ATG7: variants seen among roughly 807,000 people sequenced by gnomAD.
The protein encoded by ATG7 is ubiquitin-like modifier-activating enzyme ATG7.
ATG7 carries 70 observed loss-of-function variants against 82.4 expected under a neutral mutation model. The ratio of observed to expected loss-of-function variants is 0.85; its 90% confidence interval spans 0.70 to 1.04. The LOEUF is 1.04. Ranked by LOEUF, ATG7 falls within the 50% of genes least tolerant of loss-of-function variation. ATG7 has a pLI of 0.00. For missense variants in ATG7, 792 were observed against 864.3 expected, an observed-to-expected ratio of 0.92 and a Z score of 1.05; for synonymous variants, 287 against 313.0, an observed-to-expected ratio of 0.92 and a Z score of 0.88.
chr3:11,522,473 T>C (rs1163918919), intron 20 of ATG7, among the ~76,000 whole-genome samples: 1 of 145,880 alleles, frequency 6.9e-6, no homozygotes, highest in African/African-American at 2.4e-5. Context: ...ATTAGTGAGA[T>C]GAGCGGATGA....
intron 3 of ATG7, among the ~76,000 whole-genome samples, chr3:11,289,846 C>T (rs1575182965): frequency 6.6e-6 from 1 of 151,954 alleles, no homozygotes; most frequent in Non-Finnish European, 1.5e-5. Flanking sequence ...GGGCATGGAC[C>T]ACTGCACTGG....
At chr3:11,560,106 C>T (rs1013055279), downstream of ATG7, among the ~76,000 whole-genome samples, 1 of 152,098 alleles carries the variant, frequency 6.6e-6, no homozygotes, top group Admixed American at 6.5e-5. Flanking sequence ...TTCCTTCAAG[C>T]CCTGTTCAGA....
At chr3:11,418,905 C>CT (rs58299483) in intron 19 of ATG7, among the ~76,000 whole-genome samples, 1,952 of 152,240 alleles carry the variant, frequency 0.013, 39 homozygotes, top group African/African-American at 0.044. Flanking sequence ...GGAAGTGCCA[C>CT]TTTTAAATCA....
At chr3:11,485,231 C>A (rs1295729191) in intron 20 of ATG7, among the ~76,000 whole-genome samples, 1 of 152,194 alleles carries the variant, frequency 6.6e-6, no homozygotes, top group South Asian at 2.1e-4. Context: ...TTAATGATTG[C>A]CATTCTAACT....
At chr3:11,349,802 G>A (rs1465468054) in intron 14 of ATG7, among the ~76,000 whole-genome samples, 1 of 152,186 alleles carries the variant, frequency 6.6e-6, no homozygotes, top group African/African-American at 2.4e-5. Context: ...AAGTCTTCAT[G>A]AAGAAGAAAG....
chr3:11,347,741 CA>C, intron 13 of ATG7, 135 bp from the exon 14 acceptor site: 1 of 909,562 alleles, frequency 1.1e-6, no homozygotes, highest in Non-Finnish European at 1.6e-6. Context: ...TGAATTTGCA[CA>C]ATTCAGTTTC....
Position 11,531,604 on chromosome 3 carries a change from G to A in ATG7, c.2080-23207G>A, listed in dbSNP as rs1329808189. Among the ~76,000 whole-genome samples the A allele has an allele frequency of 2.6e-5, 4 of 152,182 alleles. No homozygotes were observed. The East Asian group carries it at 7.7e-4, about 29-fold the overall frequency. On this transcript the variant is annotated intron_variant, in intron 20 of 20. Coordinates refer to ENST00000693202, the MANE Select transcript of ATG7 (RefSeq NM_001349232.2). ...AAAAATGGTCTAGGCCAGGTGCAAT[G>A]GCTCATGCCTATAATCCAGCACTTT...
chr3:11,497,357 C>CTATATATATATGTATATATA lies in ATG7; in HGVS notation c.2080-57443_2080-57442insGTATATATATATATATATAT, dbSNP rs1281826628. Among the ~76,000 whole-genome samples, 112 of 57,316 alleles carry CTATATATATATGTATATATA rather than the reference C, an allele frequency of 2.0e-3. 5 individuals are homozygous for CTATATATATATGTATATATA. The highest frequency in any genetic ancestry group is 7.4e-3 in the African/African-American group (111 of 14,988). 37.6% of individuals were successfully genotyped at this position (57,316 alleles called of 152,430 possible). On this transcript the variant is annotated intron_variant, in intron 20 of 20. Transcript: ENST00000693202. ...TGAAACCCCGTCTGTACTAAAAATA[C>CTATATATATATGTATATATA]TATATATATATATATATATATATAT...
chr3:11,465,088 AG>A (rs1428423681), intron 20 of ATG7, among the ~76,000 whole-genome samples: 1 of 147,328 alleles, frequency 6.8e-6, no homozygotes, highest in Non-Finnish European at 1.5e-5. Context: ...AAAAACCTAA[AG>A]TGTGTGTGTG....
At chr3:11,374,892 C>CAAAAA (rs55855960) in intron 18 of ATG7, among the ~76,000 whole-genome samples, 8 of 73,512 alleles carry the variant, frequency 1.1e-4, no homozygotes, top group African/African-American at 3.7e-4. Context: ...CAACAGAGCT[C>CAAAAA]AAAAAAAAAA....
intron 19 of ATG7, among the ~76,000 whole-genome samples, chr3:11,395,939 C>T: frequency 3.9e-5 from 1 of 25,520 alleles, no homozygotes. Context: ...GACTCTGTCT[C>T]AAAAAAAAAA....
intron 19 of ATG7, among the ~76,000 whole-genome samples, chr3:11,398,093 A>G (rs1217033934): frequency 6.6e-6 from 1 of 151,940 alleles, no homozygotes; most frequent in Non-Finnish European, 1.5e-5. Context: ...CCAAAAAAAA[A>G]AAAGGAAAAT....
At chr3:11,437,113 G>C (rs1335021425) in intron 20 of ATG7, among the ~76,000 whole-genome samples, 1 of 152,130 alleles carries the variant, frequency 6.6e-6, no homozygotes, top group African/African-American at 2.4e-5. Flanking sequence ...CCATAGTTGG[G>C]GCATTTTGTT....
intron 19 of ATG7, among the ~76,000 whole-genome samples, chr3:11,393,247 A>C (rs999128284): frequency 3.3e-5 from 5 of 152,178 alleles, no homozygotes; most frequent in Admixed American, 6.6e-5. Context: ...TATTGTTTTC[A>C]TCGGAAAAAT....
chr3:11,312,589 G>C (rs1948840484), intron 7 of ATG7, among the ~76,000 whole-genome samples: 2 of 152,140 alleles, frequency 1.3e-5, no homozygotes, highest in African/African-American at 2.4e-5. Context: ...TGAGCTGCCT[G>C]GTGTCTGGGA....
intron 19 of ATG7, among the ~76,000 whole-genome samples, chr3:11,425,310 C>A (rs912559795): frequency 8.5e-5 from 13 of 152,110 alleles, no homozygotes; most frequent in Non-Finnish European, 4.4e-5. Context: ...TCTTTGTGCC[C>A]ATGTACAGCT....
At chr3:11,291,991 G>A (rs1945051497) in intron 3 of ATG7, among the ~76,000 whole-genome samples, 1 of 152,206 alleles carries the variant, frequency 6.6e-6, no homozygotes, top group Admixed American at 6.5e-5. Context: ...CATTCCTGGT[G>A]GCAGTTTGTC....
chr3:11,534,429 ATCT>A (rs2092751323), intron 20 of ATG7, among the ~76,000 whole-genome samples: 1 of 152,188 alleles, frequency 6.6e-6, no homozygotes, highest in South Asian at 2.1e-4. Context: ...CTGTCCTCAC[ATCT>A]TCTGCTCACA....
intron 20 of ATG7, among the ~76,000 whole-genome samples, chr3:11,445,861 T>A (rs1559640683): frequency 6.6e-6 from 1 of 152,200 alleles, no homozygotes; most frequent in Admixed American, 6.5e-5. Flanking sequence ...AGTATCATAT[T>A]AGGCTTTTAC....
Sources: gnomAD v4.1 joint callset for allele counts (sites outside exome capture counted in the v4.1 genomes callset) on GRCh38, gnomAD v4.1.1 for gene constraint, MANE v1.5 for transcripts, NCBI Gene and HGNC (gene_info 2026-07-23, HGNC 2026-07-21) for gene names.